FBN2: variants seen among roughly 807,000 people sequenced by gnomAD.
FBN2 encodes the protein fibrillin-2.
FBN2 carries 105 observed loss-of-function variants against 355.6 expected under a neutral mutation model. The observed-to-expected ratio is 0.30, with a 90% CI of 0.25 to 0.35. FBN2 has a LOEUF of 0.35. FBN2 is among the 10% of genes least tolerant of loss of function. FBN2 has a pLI of 1.00. For missense variants in FBN2, 3,280 were observed against 3,758.7 expected (o/e 0.87, Z 3.33); for synonymous variants, 1,350 against 1,301.2 (o/e 1.04, Z -0.81).
intron 63 of FBN2, among the ~76,000 whole-genome samples, chr5:128,262,907 T>C (rs1282308215): frequency 2.0e-5 from 3 of 152,220 alleles, no homozygotes; most frequent in Non-Finnish European, 4.4e-5. Flanking sequence ...GCCTGTCTTG[T>C]GGGTCAGGCC....
chr5:128,446,397 T>A (rs1754064206), intron 7 of FBN2, 84 bp downstream of exon 7: 1 of 1,376,294 alleles, frequency 7.3e-7, no homozygotes, highest in Non-Finnish European at 1.0e-6. Flanking sequence ...TTGTGACCAG[T>A]AGTCTTCAAA....
At chr5:128,305,749 A>C in intron 43 of FBN2, 74 bp downstream of exon 43, 1 of 1,602,866 alleles carries the variant, frequency 6.2e-7, no homozygotes, top group Non-Finnish European at 8.5e-7. Flanking sequence ...AAATAGTAAA[A>C]ATCAGAAACC....
chr5:128,293,520 T>G (rs1161244614), intron 48 of FBN2, among the ~76,000 whole-genome samples: 1 of 152,020 alleles, frequency 6.6e-6, no homozygotes, highest in Non-Finnish European at 1.5e-5. Flanking sequence ...ATTAAAACCA[T>G]TTTTTCAGAG....
chr5:128,277,342 G>C (rs1398690662), intron 58 of FBN2, among the ~76,000 whole-genome samples: 2 of 152,202 alleles, frequency 1.3e-5, no homozygotes, highest in Admixed American at 6.5e-5. Flanking sequence ...TAAAATGATA[G>C]AAGGATTCTG....
intron 7 of FBN2, among the ~76,000 whole-genome samples, chr5:128,435,336 T>C (rs972206227): frequency 3.3e-5 from 5 of 152,212 alleles, no homozygotes; most frequent in African/African-American, 9.7e-5. Flanking sequence ...ATATATGCTC[T>C]AGTAAGTCAA....
At chr5:128,297,650 G>C (rs1010559697) in intron 48 of FBN2, among the ~76,000 whole-genome samples, 3 of 152,114 alleles carry the variant, frequency 2.0e-5, no homozygotes, top group African/African-American at 7.2e-5. Flanking sequence ...CAGAGACTAG[G>C]ATTGCAACCC....
intron 5 of FBN2, among the ~76,000 whole-genome samples, chr5:128,500,226 T>TAAC (rs1755767716): frequency 7.5e-6 from 1 of 133,960 alleles, no homozygotes. Flanking sequence ...CCACAGCTAA[T>TAAC]ATCAACAACA....
chr5:128,346,719 A>G (rs1475923164), intron 23 of FBN2, among the ~76,000 whole-genome samples: 1 of 152,124 alleles, frequency 6.6e-6, no homozygotes, highest in Non-Finnish European at 1.5e-5. Flanking sequence ...CAGCTGGATC[A>G]CCTGAGGTCA....
At chr5:128,318,584 ATATATATACATGTAC>A (rs1227444713) in intron 35 of FBN2, among the ~76,000 whole-genome samples, 1 of 151,776 alleles carries the variant, frequency 6.6e-6, no homozygotes, top group Non-Finnish European at 1.5e-5. Context: ...ACATGTATAT[ATATATATACATGTAC>A]TATATATACA....
chr5:128,280,138 A>G (rs1765495969), intron 56 of FBN2, 54 bp downstream of exon 56: 10 of 1,482,828 alleles, frequency 6.7e-6, no homozygotes, highest in Admixed American at 6.7e-5. Flanking sequence ...CTGTGATGAC[A>G]TCATGAACAG....
intron 7 of FBN2, chr5:128,442,393 C>G (rs542228845): frequency 2.2e-5 from 10 of 456,156 alleles, no homozygotes; most frequent in South Asian, 1.6e-4. Flanking sequence ...AACGAAAATA[C>G]TTTATTGTAC....
At chr5:128,331,856 A>G (rs1024775297) in intron 32 of FBN2, among the ~76,000 whole-genome samples, 2 of 152,154 alleles carry the variant, frequency 1.3e-5, no homozygotes, top group Admixed American at 6.5e-5. Context: ...GGCCAAAATG[A>G]CAGATGGACA....
intron 8 of FBN2, among the ~76,000 whole-genome samples, chr5:128,403,217 T>G (rs182115199): frequency 1.4e-4 from 21 of 152,316 alleles, no homozygotes; most frequent in Admixed American, 1.2e-3. Flanking sequence ...ATACTGGTCA[T>G]CACTTCTGCC....
intron 4 of FBN2, among the ~76,000 whole-genome samples, chr5:128,520,676 C>T (rs770091735): frequency 3.9e-5 from 6 of 152,084 alleles, no homozygotes; most frequent in South Asian, 2.1e-4. Flanking sequence ...AAGACTAAAA[C>T]GCACTTGGAA....
At chr5:128,341,186 G>C (rs1751011331) in intron 25 of FBN2, among the ~76,000 whole-genome samples, 1 of 152,178 alleles carries the variant, frequency 6.6e-6, no homozygotes, top group African/African-American at 2.4e-5. Flanking sequence ...CAATGTGTTA[G>C]AGACATTAAG....
chr5:128,333,301 G>A (rs1294147762), intron 31 of FBN2, among the ~76,000 whole-genome samples: 7 of 152,080 alleles, frequency 4.6e-5, no homozygotes, highest in Non-Finnish European at 8.8e-5. Context: ...TTGCTCCCCG[G>A]CAGGTATGTG....
intron 20 of FBN2, among the ~76,000 whole-genome samples, chr5:128,353,374 A>C (rs996526724): frequency 2.0e-5 from 3 of 152,214 alleles, no homozygotes; most frequent in African/African-American, 7.2e-5. Flanking sequence ...TGTACTGAAT[A>C]AAAAGTTACA....
At chr5:128,448,219 A>G (rs1030070853) in intron 6 of FBN2, among the ~76,000 whole-genome samples, 1 of 150,252 alleles carries the variant, frequency 6.7e-6, no homozygotes, top group Non-Finnish European at 1.5e-5. Flanking sequence ...TACCACTAGC[A>G]GTCTACACAC....
intron 18 of FBN2, 65 bp downstream of exon 18, chr5:128,364,535 T>G: frequency 6.7e-7 from 1 of 1,501,642 alleles, no homozygotes; most frequent in East Asian, 2.3e-5. Flanking sequence ...TGTTTTTAAT[T>G]CTAATATAAT....
Sources: allele counts gnomAD v4.1 joint callset (sites outside exome capture counted in the v4.1 genomes callset), GRCh38; gene constraint gnomAD v4.1.1; transcripts MANE v1.5; gene names NCBI Gene and HGNC (gene_info 2026-07-23, HGNC 2026-07-21).